The following CEP112 variants were observed in gnomAD, a reference collection of about 807,000 sequenced individuals.
The protein encoded by CEP112 is centrosomal protein of 112 kDa.
CEP112 carries 127 observed loss-of-function variants against 153.0 expected under a neutral mutation model. That is an observed-to-expected ratio of 0.83 (90% CI 0.72 to 0.96). The LOEUF is 0.96. CEP112 is among the 40% of genes least tolerant of loss of function. The probability of loss-of-function intolerance (pLI) is 0.00; values close to 1 mark genes in which losing one functional copy is unlikely to be tolerated. For missense variants in CEP112, 1,089 were observed against 1,101.2 expected, an observed-to-expected ratio of 0.99 and a Z score of 0.16; for synonymous variants, 358 against 374.4, an observed-to-expected ratio of 0.96 and a Z score of 0.51.
chr17:66,073,885 T>A (rs952677924), intron 8 of CEP112, among the ~76,000 whole-genome samples: 1 of 152,008 alleles, frequency 6.6e-6, no homozygotes, highest in Non-Finnish European at 1.5e-5. Context: ...CTACAAGGTA[T>A]CAACCACAAG....
At chr17:66,017,830 T>G (rs1020893066) in intron 16 of CEP112, among the ~76,000 whole-genome samples, 5 of 152,026 alleles carry the variant, frequency 3.3e-5, no homozygotes, top group African/African-American at 1.2e-4. Flanking sequence ...GAAAGCCCCG[T>G]CTCTACTAAA....
chr17:65,754,984 A>G (rs2052153021), intron 21 of CEP112, among the ~76,000 whole-genome samples: 2 of 152,148 alleles, frequency 1.3e-5, no homozygotes, highest in South Asian at 4.1e-4. Context: ...GCTGGGCTTG[A>G]TACCTAGGTA....
intron 19 of CEP112, among the ~76,000 whole-genome samples, chr17:65,926,485 G>A (rs2144162072): frequency 1.3e-5 from 2 of 152,216 alleles, no homozygotes; most frequent in African/African-American, 4.8e-5. Context: ...GGCTGAGGTG[G>A]GCAGATCACC....
chr17:66,088,945 C>A (rs1282488436), intron 8 of CEP112, among the ~76,000 whole-genome samples: 2 of 152,168 alleles, frequency 1.3e-5, no homozygotes, highest in Admixed American at 6.5e-5. Context: ...TCAGCCCTTG[C>A]AGACCTAGGC....
chr17:65,755,043 C>T (rs2052162130), intron 21 of CEP112, among the ~76,000 whole-genome samples: 1 of 151,736 alleles, frequency 6.6e-6, no homozygotes, highest in South Asian at 2.1e-4. Context: ...TACTATGTAA[C>T]TAAACTGCAC....
At chr17:66,070,556 C>G (rs186607494) in intron 8 of CEP112, among the ~76,000 whole-genome samples, 50 of 152,242 alleles carry the variant, frequency 3.3e-4, no homozygotes, top group Admixed American at 7.9e-4. Context: ...CCCGCTCCCT[C>G]AAGGGAGTGA....
At chr17:65,922,732 A>G (rs577540292) in intron 19 of CEP112, among the ~76,000 whole-genome samples, 6 of 152,054 alleles carry the variant, frequency 3.9e-5, no homozygotes, top group Non-Finnish European at 5.9e-5. Context: ...TTCCTTCCTC[A>G]GTTTACTTAG....
intron 4 of CEP112, among the ~76,000 whole-genome samples, chr17:66,166,695 C>T (rs957355520): frequency 2.0e-5 from 3 of 151,920 alleles, no homozygotes; most frequent in Non-Finnish European, 2.9e-5. Flanking sequence ...GTCAGGAGTT[C>T]GAGACCAGCC....
chr17:65,872,681 A>G (rs2058703180), intron 20 of CEP112, among the ~76,000 whole-genome samples: 1 of 152,232 alleles, frequency 6.6e-6, no homozygotes, highest in East Asian at 1.9e-4. Context: ...AAGTTTAGAG[A>G]TGAACAACTA....
intron 5 of CEP112, among the ~76,000 whole-genome samples, chr17:66,130,592 G>T (rs9913827): frequency 0.2 from 29,585 of 151,666 alleles, 2,997 homozygotes; most frequent in Non-Finnish European, 0.21. Flanking sequence ...TGGCTAACAG[G>T]CTGAAACCCT....
chr17:65,773,315 T>G (rs2053490881), intron 21 of CEP112, among the ~76,000 whole-genome samples: 1 of 152,226 alleles, frequency 6.6e-6, no homozygotes, highest in African/African-American at 2.4e-5. Context: ...TTTACTGAGC[T>G]CCTTGGTGAC....
chr17:65,731,948 TC>T (rs35247293), intron 23 of CEP112, among the ~76,000 whole-genome samples: 61,784 of 152,028 alleles, frequency 0.41, 14,358 homozygotes, highest in South Asian at 0.62. Flanking sequence ...AAAGTTGGAA[TC>T]AACTTCTTCC....
chr17:65,884,251 A>G (rs891159982), intron 20 of CEP112, among the ~76,000 whole-genome samples: 4 of 152,250 alleles, frequency 2.6e-5, no homozygotes, highest in African/African-American at 9.6e-5. Flanking sequence ...AAGTGGAAGA[A>G]GCAGGAGGAA....
At chr17:65,772,148 C>T (rs1299713547) in intron 21 of CEP112, among the ~76,000 whole-genome samples, 2 of 151,866 alleles carry the variant, frequency 1.3e-5, no homozygotes, top group Non-Finnish European at 2.9e-5. Context: ...CTTTTATTAG[C>T]AAAGAAGGGA....
chr17:66,077,768 T>C (rs2067557339), intron 8 of CEP112, among the ~76,000 whole-genome samples: 1 of 152,236 alleles, frequency 6.6e-6, no homozygotes, highest in African/African-American at 2.4e-5. Context: ...CATCAAGTTG[T>C]ATATTCTGGT....
intron 8 of CEP112, among the ~76,000 whole-genome samples, chr17:66,086,137 T>C (rs1598322171): frequency 1.3e-5 from 2 of 152,082 alleles, no homozygotes; most frequent in Non-Finnish European, 2.9e-5. Context: ...GATGATTAAA[T>C]ACTTGAGAGC....
At chr17:65,701,155 T>C (rs1020281854) in intron 23 of CEP112, among the ~76,000 whole-genome samples, 2 of 152,098 alleles carry the variant, frequency 1.3e-5, no homozygotes, top group African/African-American at 2.4e-5. Context: ...GGACAAGAGA[T>C]GGCGAGAAAT....
chr17:65,853,128 T>G (rs2058021342), intron 20 of CEP112, among the ~76,000 whole-genome samples: 1 of 152,186 alleles, frequency 6.6e-6, no homozygotes, highest in Non-Finnish European at 1.5e-5. Context: ...GAACAGAATT[T>G]TATTCTCTCA....
chr17:66,005,744 T>A lies in CEP112; in HGVS notation c.1682A>T (p.Asp561Val), dbSNP rs202070172. Residue 561 changes from aspartate (D) to valine (V), a missense_variant, in exon 17 of 27, where the codon GAT (aspartate) becomes GTT (valine). Coordinates refer to ENST00000535342, the MANE Select transcript of CEP112 (RefSeq NM_001199165.4). ...CTTTTGAGTATCTTCTTTTCCTTTA[T>A]CAAGTTCACTCTGCAAGTCATGAGC... ...KKAHDLQSEL[D>V]KGKEDTQKKI... 320 of 1,608,982 alleles carry A rather than the reference T, an allele frequency of 2.0e-4. 1 individual carries two copies. Among genetic ancestry groups the A allele is most frequent in the South Asian group, 1.5e-3 (136 of 90,158 alleles).
Sources: gnomAD v4.1 joint callset for allele counts (sites outside exome capture counted in the v4.1 genomes callset) on GRCh38, gnomAD v4.1.1 for gene constraint, MANE v1.5 for transcripts, NCBI Gene and HGNC (gene_info 2026-07-23, HGNC 2026-07-21) for gene names.